IQCM: variants seen among roughly 807,000 people sequenced by gnomAD.
IQCM encodes IQ motif containing M, also known as IQ domain-containing protein M.
IQCM carries 45 observed loss-of-function variants against 57.6 expected under a neutral mutation model. That is an observed-to-expected ratio of 0.78 (90% CI 0.62 to 1.00). The LOEUF is 1.00. Among genes scored for constraint, IQCM ranks in the 50% least tolerant of loss-of-function variants. The pLI, the probability that IQCM is intolerant of heterozygous loss-of-function variation, is 0.00. For missense variants in IQCM, 468 were observed against 511.6 expected, an observed-to-expected ratio of 0.91 and a Z score of 0.82; for synonymous variants, 148 against 158.9, an observed-to-expected ratio of 0.93 and a Z score of 0.51.
chr4:149,663,336 A>G (rs1410602148), intron 7 of IQCM, among the ~76,000 whole-genome samples: 1 of 151,946 alleles, frequency 6.6e-6, no homozygotes, highest in Non-Finnish European at 1.5e-5. Context: ...AGATTGCACC[A>G]TTAGAGCACT....
intron 13 of IQCM, among the ~76,000 whole-genome samples, chr4:149,389,742 G>C (rs752764066): frequency 3.6e-4 from 54 of 151,344 alleles, no homozygotes; most frequent in Non-Finnish European, 7.1e-4. Context: ...AGCACTGGGA[G>C]ATATACCTAA....
intron 12 of IQCM, among the ~76,000 whole-genome samples, chr4:149,529,108 G>A (rs190563527): frequency 6.6e-6 from 1 of 152,156 alleles, no homozygotes; most frequent in East Asian, 1.9e-4. Context: ...CCATCACTCA[G>A]GCTGGAGAGC....
At chr4:149,566,030 A>G (rs1415763849) in intron 9 of IQCM, among the ~76,000 whole-genome samples, 1 of 152,176 alleles carries the variant, frequency 6.6e-6, no homozygotes, top group Non-Finnish European at 1.5e-5. Context: ...AAAGTTTTGT[A>G]TTTGTTTGTT....
intron 12 of IQCM, among the ~76,000 whole-genome samples, chr4:149,533,187 A>G (rs1317902643): frequency 6.6e-6 from 1 of 152,146 alleles, no homozygotes; most frequent in East Asian, 1.9e-4. Context: ...GAAAGGTAGA[A>G]AATGTGTCAT....
chr4:149,675,238 A>G (rs1021776337), intron 7 of IQCM, among the ~76,000 whole-genome samples: 7 of 152,048 alleles, frequency 4.6e-5, no homozygotes, highest in Non-Finnish European at 1.0e-4. Flanking sequence ...ATATGCAAGA[A>G]TAGATACAAA....
intron 12 of IQCM, among the ~76,000 whole-genome samples, chr4:149,498,939 T>C (rs916028761): frequency 1.3e-5 from 2 of 152,068 alleles, no homozygotes; most frequent in Non-Finnish European, 2.9e-5. Context: ...GTCTGAGAAA[T>C]TGTTAAGAGA....
At chr4:149,773,451 T>A (rs1770783684) in intron 2 of IQCM, among the ~76,000 whole-genome samples, 1 of 152,224 alleles carries the variant, frequency 6.6e-6, no homozygotes, top group African/African-American at 2.4e-5. Context: ...GTATTGTTTT[T>A]AAATACACTC....
intron 12 of IQCM, among the ~76,000 whole-genome samples, chr4:149,457,622 T>C (rs1737837064): frequency 6.6e-6 from 1 of 151,992 alleles, no homozygotes; most frequent in Non-Finnish European, 1.5e-5. Flanking sequence ...TATCAGAGGT[T>C]GGTTAGCTGA....
chr4:149,735,430 G>T lies in IQCM; in HGVS notation c.66C>A (p.Asp22Glu). The T allele has an allele frequency of 8.2e-7, 1 of 1,226,038 alleles. No individual in the cohort carries two copies. Among genetic ancestry groups the T allele is most frequent in the Non-Finnish European group, 1.0e-6 (1 of 982,658 alleles). The allele number at this position is 1,226,038 out of a possible 1,614,324, so 75.9% of individuals were successfully genotyped here. A position where few individuals can be genotyped will look rare whatever the true frequency, so the allele number is the denominator to read the frequency against. ...TGAGAGTTTTTGCTTCTTGAAAAAA[G>T]TCTTGCTTGGTGATCTCTAATGTAG... The part of the protein sequence containing the change: ...KCPTLEITKQ[D>E]FFQEAKTLIA... The change falls in exon 4 of 14, where the codon GAC (aspartate) becomes GAA (glutamate). Residue 22 changes from aspartate to glutamate, a missense_variant. Physicochemically the swap from Asp to Glu is conservative, Grantham distance 45. Coordinates refer to ENST00000636793, the MANE Select transcript of IQCM (RefSeq NM_001363507.2).
chr4:149,793,275 C>A (rs1772807845), intron 2 of IQCM, among the ~76,000 whole-genome samples: 1 of 152,126 alleles, frequency 6.6e-6, no homozygotes, highest in Non-Finnish European at 1.5e-5. Context: ...TGTTCAGGGT[C>A]AGAACCACCT....
chr4:149,442,823 A>G (rs931860676), intron 12 of IQCM, among the ~76,000 whole-genome samples: 1 of 151,854 alleles, frequency 6.6e-6, no homozygotes, highest in Non-Finnish European at 1.5e-5. Flanking sequence ...AGGCTCCTCA[A>G]TATCGTAGCC....
At chr4:149,548,866 C>T (rs1335178647) in intron 11 of IQCM, among the ~76,000 whole-genome samples, 2 of 152,092 alleles carry the variant, frequency 1.3e-5, no homozygotes, top group Non-Finnish European at 2.9e-5. Context: ...TCAACTCAAC[C>T]ATGTCATAAG....
At chr4:149,782,819 A>G (rs1561270137) in intron 2 of IQCM, among the ~76,000 whole-genome samples, 1 of 152,124 alleles carries the variant, frequency 6.6e-6, no homozygotes, top group Non-Finnish European at 1.5e-5. Context: ...TTTTATGATA[A>G]TCATGTGAAA....
chr4:149,613,032 T>C (rs1030297976), intron 8 of IQCM, among the ~76,000 whole-genome samples: 6 of 151,946 alleles, frequency 3.9e-5, no homozygotes, highest in African/African-American at 1.4e-4. Flanking sequence ...CCCCCAAAAT[T>C]AGGAAATCAT....
chr4:149,708,386 T>A (rs1764315528), intron 5 of IQCM, among the ~76,000 whole-genome samples: 1 of 151,880 alleles, frequency 6.6e-6, no homozygotes, highest in Non-Finnish European at 1.5e-5. Context: ...AACTTGAAGA[T>A]TTAAGTGCCA....
chr4:149,456,867 T>C (rs1257508397), intron 12 of IQCM, among the ~76,000 whole-genome samples: 2 of 152,050 alleles, frequency 1.3e-5, no homozygotes, highest in Non-Finnish European at 2.9e-5. Context: ...TGAAAGCCAG[T>C]GTAAAGAAAA....
intron 7 of IQCM, among the ~76,000 whole-genome samples, chr4:149,660,889 G>A (rs956270431): frequency 5.9e-5 from 9 of 151,844 alleles, no homozygotes; most frequent in South Asian, 2.1e-4. Context: ...GCTAAATGAC[G>A]AGTTAATGGG....
intron 12 of IQCM, among the ~76,000 whole-genome samples, chr4:149,476,213 A>G (rs1473281744): frequency 6.6e-6 from 1 of 152,172 alleles, no homozygotes; most frequent in Non-Finnish European, 1.5e-5. Context: ...CTATGGCAGC[A>G]AGAGAAAGGC....
intron 5 of IQCM, 31 bp downstream of exon 5, chr4:149,733,213 G>C: frequency 8.1e-7 from 1 of 1,230,162 alleles, no homozygotes; most frequent in Non-Finnish European, 1.0e-6. Flanking sequence ...CCGTGAGTTT[G>C]CTGAATTTCT....
Sources: gnomAD v4.1 joint callset for allele counts (sites outside exome capture counted in the v4.1 genomes callset) on GRCh38, gnomAD v4.1.1 for gene constraint, MANE v1.5 for transcripts, NCBI Gene and HGNC (gene_info 2026-07-23, HGNC 2026-07-21) for gene names.